CA12: variants seen among roughly 807,000 people sequenced by gnomAD.
The protein encoded by CA12 is carbonic anhydrase 12.
A neutral mutation model predicts 46.8 loss-of-function variants in CA12; 36 were observed. That is an observed-to-expected ratio of 0.77 (90% CI 0.59 to 1.02). CA12 has a LOEUF of 1.02. CA12 is among the 50% of genes least tolerant of loss of function. CA12 has a pLI of 0.00. For missense variants in CA12, 436 were observed against 451.4 expected (o/e 0.97, Z 0.31); for synonymous variants, 202 against 187.0 (o/e 1.08, Z -0.65).
At chr15:63,333,226 CTGTGGG>C (rs1045022861) in intron 8 of CA12, among the ~76,000 whole-genome samples, 2 of 152,206 alleles carry the variant, frequency 1.3e-5, no homozygotes, top group Admixed American at 6.5e-5. Flanking sequence ...AGGGATGGGG[CTGTGGG>C]GAGATGATGT....
At chr15:63,356,791 G>A (rs1288160828) in intron 2 of CA12, among the ~76,000 whole-genome samples, 2 of 152,182 alleles carry the variant, frequency 1.3e-5, no homozygotes, top group East Asian at 1.9e-4. Context: ...TTACAGGTGT[G>A]AGCCAACACG....
intron 1 of CA12, among the ~76,000 whole-genome samples, chr15:63,379,425 C>A (rs2039616625): frequency 6.6e-6 from 1 of 152,196 alleles, no homozygotes; most frequent in African/African-American, 2.4e-5. Flanking sequence ...TCAGGAATTG[C>A]ACCCCCTGGT....
intron 2 of CA12, among the ~76,000 whole-genome samples, chr15:63,366,529 G>C (rs896227424): frequency 6.6e-6 from 1 of 152,182 alleles, no homozygotes; most frequent in Non-Finnish European, 1.5e-5. Flanking sequence ...ACCAAGCCTT[G>C]TCAACCATTT....
At chr15:63,375,385 T>C in intron 2 of CA12, 1 of 367,690 alleles carries the variant, frequency 2.7e-6, no homozygotes, top group East Asian at 5.0e-5. Context: ...TCTTGGAGGT[T>C]TGGTAGAAAT....
chr15:63,334,085 C>G (rs1010536937), intron 8 of CA12, among the ~76,000 whole-genome samples: 1 of 152,128 alleles, frequency 6.6e-6, no homozygotes, highest in East Asian at 1.9e-4. Context: ...CCTGTGATGT[C>G]CCCCTGCCTC....
At chr15:63,375,837 A>G (rs1037777783) in intron 1 of CA12, among the ~76,000 whole-genome samples, 159 bp from the exon 2 acceptor site, 9 of 148,316 alleles carry the variant, frequency 6.1e-5, no homozygotes, top group Non-Finnish European at 1.3e-4. Flanking sequence ...AAGGTGGAGT[A>G]TTGCTCTTGT....
rs2038821603 is a variant in CA12, at chr15:63,323,503, C to T, written c.*2782G>A. ...TTTGCAAATAGTAATGCTTTAACCTCGCCTCCAAAAAAAAAAAAAGAACAG... is the reference window on the plus strand; with the variant it reads ...TTTGCAAATAGTAATGCTTTAACCTTGCCTCCAAAAAAAAAAAAAGAACAG... On this transcript the variant is annotated 3_prime_UTR_variant, in exon 11 of 11. Transcript: ENST00000178638. This position sits in a 1 kb window ranked among gnomAD's most constrained non-coding sequence, Gnocchi z 5.1. The T allele has an allele frequency of 6.6e-6, 1 of 150,400 alleles. No homozygotes were observed. The highest frequency in any genetic ancestry group is 2.5e-5 in the African/African-American group (1 of 40,624). The allele number at this position is 150,400 out of a possible 1,614,324, so 9.3% of individuals were successfully genotyped here.
intron 2 of CA12, among the ~76,000 whole-genome samples, chr15:63,357,598 G>A (rs1330884359): frequency 6.6e-6 from 1 of 152,200 alleles, no homozygotes; most frequent in Non-Finnish European, 1.5e-5. Flanking sequence ...TGTGGTTCTT[G>A]TGAGCAGAGT....
intron 3 of CA12, 86 bp downstream of exon 3, chr15:63,346,438 CGGAACA>C: frequency 2.2e-6 from 2 of 918,256 alleles, no homozygotes; most frequent in East Asian, 3.4e-5. Flanking sequence ...GATGCTTCCA[CGGAACA>C]CCTCCCTGCC....
At chr15:63,381,521 A>G (rs2152629601) in intron 1 of CA12, 115 bp downstream of exon 1, 3 of 879,478 alleles carry the variant, frequency 3.4e-6, no homozygotes, top group Non-Finnish European at 5.6e-6. Flanking sequence ...ACTATTTGGT[A>G]CTACACCTTC....
intron 2 of CA12, among the ~76,000 whole-genome samples, chr15:63,353,317 A>G (rs959272669): frequency 1.3e-5 from 2 of 152,114 alleles, no homozygotes; most frequent in African/African-American, 4.8e-5. Context: ...CATGAGTGAA[A>G]CGTGAGGAAT....
intron 2 of CA12, among the ~76,000 whole-genome samples, chr15:63,347,311 G>T (rs1595782460): frequency 6.6e-6 from 1 of 152,194 alleles, no homozygotes; most frequent in South Asian, 2.1e-4. Context: ...TGCTGGCTTT[G>T]CAAGTATGAC....
Position 63,373,155 on chromosome 15 carries a change from A to G in CA12, c.106+2503T>C, listed in dbSNP as rs2039528236. ...CGAGGTGGGCAGAACACTTGAGATC[A>G]GGAGTTCGAGACCAGCCTGGCCATC... On this transcript the variant is annotated intron_variant, in intron 2 of 10. Coordinates refer to ENST00000178638, the MANE Select transcript of CA12 (RefSeq NM_001218.5). This position sits in a 1 kb window ranked among gnomAD's most constrained non-coding sequence, Gnocchi z 4.9. Among the ~76,000 whole-genome samples the G allele has an allele frequency of 6.6e-6, 1 of 152,180 alleles. No individual in the cohort carries two copies. Among genetic ancestry groups the G allele is most frequent in the South Asian group, 2.1e-4 (1 of 4,830 alleles).
chr15:63,324,571 G>A lies in CA12; in HGVS notation c.*1714C>T, dbSNP rs1178119662. On this transcript the variant is annotated 3_prime_UTR_variant, in exon 11 of 11. Transcript: ENST00000178638. ...GTGCACACACACACACAAACACACA[G>A]AGAGACACACACACATTTGAGCTCC... 1 of 152,186 alleles carries A rather than the reference G, an allele frequency of 6.6e-6. No homozygotes were observed. The highest frequency in any genetic ancestry group is 2.4e-5 in the African/African-American group (1 of 41,408). The allele number at this position is 152,186 out of a possible 1,614,324, so 9.4% of individuals were successfully genotyped here.
chr15:63,338,244 C>T (rs2039028948), intron 8 of CA12, among the ~76,000 whole-genome samples: 1 of 152,236 alleles, frequency 6.6e-6, no homozygotes, highest in African/African-American at 2.4e-5. Context: ...CTTATGCAAG[C>T]TCCAAGGAGG....
chr15:63,375,016 CT>C (rs2039553381), intron 2 of CA12, among the ~76,000 whole-genome samples: 1 of 152,200 alleles, frequency 6.6e-6, no homozygotes, highest in Non-Finnish European at 1.5e-5. Flanking sequence ...TCCAGCTAAG[CT>C]GATTTCCAGC....
chr15:63,327,245 GTAGAGGGCACACA>G lies in CA12; in HGVS notation c.908-25_908-13del. 1 of 1,610,026 alleles carries G rather than the reference GTAGAGGGCACACA, an allele frequency of 6.2e-7. No homozygotes were observed. The highest frequency in any genetic ancestry group is 8.5e-7 in the Non-Finnish European group (1 of 1,176,770). Reference sequence around the variant, plus strand: ...TGAGAGGATGATGCCTGGTGAAGAGGTAGAGGGCACACATTACATTCCTTCCTTCCCCTCCATC... The same window carrying G: ...TGAGAGGATGATGCCTGGTGAAGAGGTTACATTCCTTCCTTCCCCTCCATC... On this transcript the variant is annotated splice_polypyrimidine_tract_variant and intron_variant, in intron 9 of 10. Transcript: ENST00000178638. The surrounding 1 kb of genome is among the most constrained non-coding windows in gnomAD (Gnocchi z 4.5).
rs771015403 is a variant in CA12 at position 63,328,138 on chromosome 15, G to A, written c.875-8C>T. 1.1e-5 allele frequency: 17 copies of A among 1,613,676 alleles called. No homozygotes were observed. Among genetic ancestry groups the A allele is most frequent in the Non-Finnish European group, 1.3e-5 (15 of 1,179,788 alleles). ...CCGCAGTACAGACTTGCACTTAAAAGGGGAGAGGAAAAGACGAGGTTACTC... is the reference window on the plus strand; with the variant it reads ...CCGCAGTACAGACTTGCACTTAAAAAGGGAGAGGAAAAGACGAGGTTACTC... On this transcript the variant is annotated splice_polypyrimidine_tract_variant and splice_region_variant and intron_variant, in intron 8 of 10. Transcript: ENST00000178638. The surrounding 1 kb of genome is among the most constrained non-coding windows in gnomAD (Gnocchi z 5.9).
At chr15:63,364,928 G>C (rs970092711) in intron 2 of CA12, among the ~76,000 whole-genome samples, 10 of 152,240 alleles carry the variant, frequency 6.6e-5, no homozygotes, top group Admixed American at 1.3e-4. Flanking sequence ...TGTCTTCCTA[G>C]CAACTGCACT....
Sources: allele counts gnomAD v4.1 joint callset (sites outside exome capture counted in the v4.1 genomes callset), GRCh38; gene constraint gnomAD v4.1.1; non-coding constraint Gnocchi (gnomAD v3.1); transcripts MANE v1.5; gene names NCBI Gene and HGNC (gene_info 2026-07-23, HGNC 2026-07-21).